The following SLC2A7 variants were observed in gnomAD, a reference collection of about 807,000 sequenced individuals.
SLC2A7 encodes the protein solute carrier family 2 member 7.
SLC2A7 carries 50 observed loss-of-function variants against 50.5 expected under a neutral mutation model. That is an observed-to-expected ratio of 0.99 (90% CI 0.79 to 1.25). The LOEUF is 1.25. Among genes scored for constraint, SLC2A7 ranks in the 50% most tolerant of loss-of-function variants. The pLI is 0.00. For synonymous variants in SLC2A7, 308 were observed against 300.4 expected (o/e 1.03, Z -0.26); for missense variants, 683 against 679.1 (o/e 1.01, Z -0.06).
rs74767526 is a variant in SLC2A7 at position 9,007,358 on chromosome 1, C to T, written c.1144G>A (p.Gly382Ser). The change falls in exon 10 of 12, where the codon GGC becomes AGC. Residue 382 changes from glycine to serine, a missense_variant. Gly to Ser is a moderately conservative substitution (Grantham distance 56). Transcript: ENST00000400906. Reference sequence around the variant, plus strand: ...ATGTAGGCAAAGACACAGATGATGCCGAGGTAGGACAGCTCGGGGACCCTG... The same window carrying T: ...ATGTAGGCAAAGACACAGATGATGCTGAGGTAGGACAGCTCGGGGACCCTG... ...QNRVPELSYL[G>S]IICVFAYIAG... is the part of the protein sequence containing the mutation. 3,035 of 1,614,172 alleles carry T rather than the reference C, an allele frequency of 1.9e-3. 21 individuals are homozygous for T. In the African/African-American group the frequency reaches 0.026, roughly 14 times the overall value.
chr1:9,022,760 C>A (rs1640930388), intron 3 of SLC2A7, among the ~76,000 whole-genome samples, 158 bp downstream of exon 3: 1 of 152,142 alleles, frequency 6.6e-6, no homozygotes, highest in African/African-American at 2.4e-5. Context: ...CATTTAGGGA[C>A]TGGTTTAAGG....
rs772699627 is a variant in SLC2A7, at chr1:9,025,010, C to T, written c.116G>A (p.Gly39Asp). ...CGTGTTGACCACAGAGAGGTTGTAG[C>T]CGTACTGGAAGGCTGAGCCAAAGGC... ...SAAFGSAFQY[G>D]YNLSVVNTPH... Residue 39 changes from glycine to aspartate, a missense_variant, in exon 2 of 12, where the codon GGC (glycine) becomes GAC (aspartate). Physicochemically the swap from Gly to Asp is moderately conservative, Grantham distance 94. Coordinates refer to ENST00000400906, the MANE Select transcript of SLC2A7 (RefSeq NM_207420.3). 1.9e-6 allele frequency: 3 copies of T among 1,613,510 alleles called. No individual in the cohort carries two copies. The highest frequency in any genetic ancestry group is 1.1e-5 in the South Asian group (1 of 91,068).
At chr1:8,997,487 G>A in the SLC2A7 span, among the ~76,000 whole-genome samples, 3 of 151,892 alleles carry the variant, frequency 2.0e-5, no homozygotes, top group Non-Finnish European at 4.4e-5. Context: ...TGCAACCTTC[G>A]CCTCCTGGGT....
At chr1:9,022,841 C>T in intron 3 of SLC2A7, 77 bp downstream of exon 3, 1 of 1,558,134 alleles carries the variant, frequency 6.4e-7, no homozygotes, top group South Asian at 1.2e-5. Context: ...CGTCTCCCCA[C>T]CAGGTGCACA....
chr1:8,993,223 G>C, the SLC2A7 span, among the ~76,000 whole-genome samples: 1 of 152,194 alleles, frequency 6.6e-6, no homozygotes, highest in East Asian at 1.9e-4. Flanking sequence ...CTCATGAGAC[G>C]TATTCACTAT....
At chr1:9,012,262 T>A (rs188527579) in intron 8 of SLC2A7, among the ~76,000 whole-genome samples, 240 of 152,320 alleles carry the variant, frequency 1.6e-3, no homozygotes, top group African/African-American at 5.5e-3. Flanking sequence ...GGTTCCCAGA[T>A]GCTGTTCCTC....
chr1:9,023,677 C>A lies in SLC2A7; in HGVS notation c.151-599G>T, dbSNP rs112904968. On this transcript the variant is annotated intron_variant, in intron 2 of 11. Transcript: ENST00000400906. The stretch of plus-strand genomic sequence containing the variant: ...ATCCTGGCACTTTGGGAGGCCGAGG[C>A]GGGAGGATTGCTTGAGGCCAAGGGT... Among the ~76,000 whole-genome samples, 666 of 150,836 alleles carry A rather than the reference C, an allele frequency of 4.4e-3. 4 individuals carry two copies. Among genetic ancestry groups the A allele is most frequent in the African/African-American group, 0.015 (619 of 41,114 alleles).
Position 9,024,983 on chromosome 1 carries a change from G to A in SLC2A7, c.143C>T (p.Pro48Leu), listed in dbSNP as rs761456039. ...YGYNLSVVNT[P>L]HKVFKSFYNE... The stretch of plus-strand genomic sequence containing the variant: ...TGCCCACCTTGTGCCCACCTTGTGC[G>A]GCGTGTTGACCACAGAGAGGTTGTA... The change falls in exon 2 of 12, where the codon CCG becomes CTG. Residue 48 changes from proline to leucine, a missense_variant. By Grantham distance (98) the Pro-to-Leu change is moderately conservative. Transcript: ENST00000400906. 55 of 1,513,214 alleles carry A rather than the reference G, an allele frequency of 3.6e-5. No homozygotes were observed. The highest frequency in any genetic ancestry group is 5.9e-5 in the South Asian group (5 of 85,320). 93.7% of individuals were successfully genotyped at this position (1,513,214 alleles called of 1,614,324 possible). A position where few individuals can be genotyped will look rare whatever the true frequency, so the allele number is the denominator to read the frequency against.
At chr1:8,999,255 C>T (rs185009888), downstream of SLC2A7, among the ~76,000 whole-genome samples, 19 of 152,118 alleles carry the variant, frequency 1.2e-4, no homozygotes, top group East Asian at 3.1e-3. Flanking sequence ...CAAGTGATTC[C>T]CAAAGTGCTG....
At position 9,018,280 on chromosome 1, in the gene SLC2A7, C is replaced by T. The variant is rs774929471; in HGVS notation, c.532G>A (p.Val178Ile). ...VGTMTEVFVI[V>I]GVFLAQIFSL... ...AAGATCTGTGCTAGGAAGACTCCAA[C>T]GATGACGAAAACCTCGGTCATTGTT... is the stretch of plus-strand genomic sequence containing the variant. Residue 178 changes from valine (V) to isoleucine (I), a missense_variant, in exon 5 of 12, where the codon GTT becomes ATT. Val to Ile is a conservative substitution (Grantham distance 29). Transcript: ENST00000400906. 49 of 1,614,066 alleles carry T rather than the reference C, an allele frequency of 3.0e-5. No individual in the cohort carries two copies. Among genetic ancestry groups the T allele is most frequent in the Admixed American group, 5.0e-5 (3 of 59,990 alleles).
intron 5 of SLC2A7, among the ~76,000 whole-genome samples, chr1:9,016,067 GGGCTGAATGA>G (rs1222585719): frequency 6.6e-6 from 1 of 152,150 alleles, no homozygotes; most frequent in East Asian, 1.9e-4. Flanking sequence ...GAAGTGGCGA[GGGCTGAATGA>G]GGCACAGGTG....
rs201865054 is a variant in SLC2A7 at position 9,018,209 on chromosome 1, C to T, written c.589+14G>A. The T allele has an allele frequency of 5.6e-5, 90 of 1,613,928 alleles. 1 individual carries two copies. In the African/African-American group the frequency reaches 8.8e-4, roughly 16 times the overall value. ...GAGACTGGACCTAGCGTGACCTCTG[C>T]GGCTGCCGGTTACCTGCCGGGTTGC... On this transcript the variant is annotated intron_variant, in intron 5 of 11. Coordinates refer to ENST00000400906, the MANE Select transcript of SLC2A7 (RefSeq NM_207420.3).
Position 9,013,490 on chromosome 1 carries a change from C to A in SLC2A7, c.1014+35G>T, listed in dbSNP as rs562061538. 3.1e-6 allele frequency: 5 copies of A among 1,588,008 alleles called. No individual in the cohort carries two copies. The South Asian group carries it at 5.6e-5, about 18-fold the overall frequency. ...CTGCCTGGCGGCACCTGGCCAGAGACCCTCCAGCAGGAAGGATGCCTCCTG... is the reference window on the plus strand; with the variant it reads ...CTGCCTGGCGGCACCTGGCCAGAGAACCTCCAGCAGGAAGGATGCCTCCTG... On this transcript the variant is annotated intron_variant, in intron 8 of 11. Coordinates refer to ENST00000400906, the MANE Select transcript of SLC2A7 (RefSeq NM_207420.3).
chr1:9,025,112 TTGGGCCTCGGGAAGTGGAGTGGC>T, intron 1 of SLC2A7, 38 bp from the exon 2 acceptor site: 1 of 1,603,970 alleles, frequency 6.2e-7, no homozygotes, highest in Non-Finnish European at 8.5e-7. Flanking sequence ...CGCTGTGGGC[TTGGGCCTCGGGAAGTGGAGTGGC>T]TGGGCCTCCA....
chr1:9,017,521 C>T (rs935018640), intron 5 of SLC2A7, among the ~76,000 whole-genome samples: 4 of 152,236 alleles, frequency 2.6e-5, no homozygotes, highest in African/African-American at 9.6e-5. Flanking sequence ...AGTCCATTTA[C>T]GTCGGATCAG....
At chr1:9,000,745 GGTGT>G (rs56985979), downstream of SLC2A7, among the ~76,000 whole-genome samples, 28,865 of 142,018 alleles carry the variant, frequency 0.2, 3,117 homozygotes, top group Non-Finnish European at 0.26. Context: ...TGACTTTCCT[GGTGT>G]GTGTGTGTGT....
At chr1:9,013,667 C>T (rs373429901) in intron 7 of SLC2A7, 32 bp from the exon 8 acceptor site, 19 of 1,587,842 alleles carry the variant, frequency 1.2e-5, no homozygotes, top group Admixed American at 1.7e-5. Context: ...TCAGGACAGG[C>T]CGGAAGACCC....
At chr1:9,012,098 T>C (rs1184802920) in intron 8 of SLC2A7, among the ~76,000 whole-genome samples, 1 of 152,144 alleles carries the variant, frequency 6.6e-6, no homozygotes, top group East Asian at 1.9e-4. Context: ...CCCTAATGGC[T>C]GACCAGAGCC....
rs943540837 is a variant in SLC2A7 at position 9,008,983 on chromosome 1, G to A, written c.1116+1160C>T. On this transcript the variant is annotated intron_variant, in intron 9 of 11. Coordinates refer to ENST00000400906, the MANE Select transcript of SLC2A7 (RefSeq NM_207420.3). The surrounding 1 kb of genome is among the most constrained non-coding windows in gnomAD (Gnocchi z 5.9). ...TTTATGAGCATCACTAACACTGTTCGTCGCCAGGCCTTGCTTTCCCCGCAG... is the reference window on the plus strand; with the variant it reads ...TTTATGAGCATCACTAACACTGTTCATCGCCAGGCCTTGCTTTCCCCGCAG... Among the ~76,000 whole-genome samples the A allele has an allele frequency of 1.8e-4, 27 of 152,300 alleles. No homozygotes were observed. Among genetic ancestry groups the A allele is most frequent in the South Asian group, 6.2e-4 (3 of 4,822 alleles).
Sources: allele counts gnomAD v4.1 joint callset (sites outside exome capture counted in the v4.1 genomes callset), GRCh38; gene constraint gnomAD v4.1.1; non-coding constraint Gnocchi (gnomAD v3.1); transcripts MANE v1.5; gene names NCBI Gene and HGNC (gene_info 2026-07-23, HGNC 2026-07-21).